Variants in FUT8 observed in about 807,000 individuals in gnomAD.
FUT8 encodes the protein fucosyltransferase 8, also known as alpha-(1,6)-fucosyltransferase.
Under a neutral mutation model 71.3 loss-of-function variants are expected in FUT8, and 29 were observed. The ratio of observed to expected loss-of-function variants is 0.41; its 90% CI spans 0.30 to 0.55. FUT8 has a LOEUF of 0.55. Among genes scored for constraint, FUT8 ranks in the 20% least tolerant of loss-of-function variants. The pLI, the probability that FUT8 is intolerant of heterozygous loss-of-function variation, is 0.34. For synonymous variants in FUT8, 254 were observed against 239.3 expected, an observed-to-expected ratio of 1.06 and a Z score of -0.57; for missense variants, 544 against 702.1, an observed-to-expected ratio of 0.77 and a Z score of 2.55.
chr14:65,530,813 TTCTC>T (rs137867790), intron 2 of FUT8, among the ~76,000 whole-genome samples: 4 of 142,550 alleles, frequency 2.8e-5, no homozygotes, highest in South Asian at 2.3e-4. Context: ...CTCTCGCTCT[TTCTC>T]TCTCTCTCTC....
intron 2 of FUT8, among the ~76,000 whole-genome samples, chr14:65,532,239 A>C (rs1884004647): frequency 1.3e-5 from 2 of 152,144 alleles, no homozygotes; most frequent in South Asian, 4.1e-4. Context: ...ACTCCCACCA[A>C]CAGTGTGTAA....
rs2066161028 is a variant in FUT8 at position 65,472,389 on chromosome 14, C to T, written c.-228+16671C>T. On this transcript the variant is annotated intron_variant, in intron 2 of 10. Transcript: ENST00000673929. This position sits in a 1 kb window ranked among gnomAD's most constrained non-coding sequence, Gnocchi z 4.4. ...CCCCACCATGCCCAACAACATCTCC[C>T]ATTAGGCCCCACCCCCAACATTGAG... is the stretch of plus-strand genomic sequence containing the variant. 6.6e-6 allele frequency among the ~76,000 whole-genome samples: 1 copy of T among 152,088 alleles called. No individual in the cohort carries two copies. Among genetic ancestry groups the T allele is most frequent in the South Asian group, 2.1e-4 (1 of 4,822 alleles).
intron 2 of FUT8, among the ~76,000 whole-genome samples, chr14:65,527,422 T>C (rs959557682): frequency 9.2e-5 from 14 of 152,330 alleles, no homozygotes; most frequent in African/African-American, 3.4e-4. Flanking sequence ...CATCAGGTCA[T>C]TTAAGGACTT....
chr14:65,639,579 A>G (rs1399445205), intron 6 of FUT8, among the ~76,000 whole-genome samples: 1 of 151,956 alleles, frequency 6.6e-6, no homozygotes, highest in Admixed American at 6.6e-5. Flanking sequence ...TGATAGTTAT[A>G]TTTCTGATAC....
At chr14:65,513,977 A>G (rs1882535325) in intron 2 of FUT8, among the ~76,000 whole-genome samples, 1 of 152,260 alleles carries the variant, frequency 6.6e-6, no homozygotes, top group South Asian at 2.1e-4. Flanking sequence ...TCAGGGCACA[A>G]TTTTAGCATT....
chr14:65,578,437 A>G (rs1886906954), intron 3 of FUT8, among the ~76,000 whole-genome samples: 2 of 152,150 alleles, frequency 1.3e-5, no homozygotes, highest in African/African-American at 4.8e-5. Context: ...AAATTGTTAT[A>G]TTGACGTCTT....
At chr14:65,693,061 A>C (rs1348588406) in intron 7 of FUT8, among the ~76,000 whole-genome samples, 1 of 148,646 alleles carries the variant, frequency 6.7e-6, no homozygotes, top group African/African-American at 2.5e-5. Flanking sequence ...CATCCCAGAC[A>C]ATGGGCAGCC....
intron 2 of FUT8, among the ~76,000 whole-genome samples, chr14:65,470,388 A>G (rs950251606): frequency 6.6e-6 from 1 of 152,042 alleles, no homozygotes; most frequent in Non-Finnish European, 1.5e-5. Context: ...CCAAGAGCAC[A>G]TGGAGGCCTG....
chr14:65,612,233 G>T (rs1306287962), intron 3 of FUT8, among the ~76,000 whole-genome samples: 1 of 151,978 alleles, frequency 6.6e-6, no homozygotes, highest in Non-Finnish European at 1.5e-5. Flanking sequence ...ATTTTGTTCT[G>T]GGATGTAGTT....
At chr14:65,422,613 C>T (rs545638232) in intron 1 of FUT8, among the ~76,000 whole-genome samples, 1 of 152,214 alleles carries the variant, frequency 6.6e-6, no homozygotes, top group South Asian at 2.1e-4. Flanking sequence ...GTCCTCCTGC[C>T]TCAGCCTCCC....
chr14:65,388,259 A>G, the FUT8 span, among the ~76,000 whole-genome samples: 1 of 152,198 alleles, frequency 6.6e-6, no homozygotes, highest in Admixed American at 6.5e-5. Flanking sequence ...TACCAATCCT[A>G]CAGTACACAC....
intron 7 of FUT8, among the ~76,000 whole-genome samples, chr14:65,700,363 TTTC>T (rs1363162821): frequency 6.6e-6 from 1 of 150,756 alleles, no homozygotes; most frequent in Non-Finnish European, 1.5e-5. Context: ...CTTAAACTAC[TTTC>T]TTTTCTTTCT....
chr14:65,478,017 C>CT (rs1305941515), intron 2 of FUT8, among the ~76,000 whole-genome samples: 5 of 152,262 alleles, frequency 3.3e-5, no homozygotes, highest in African/African-American at 1.2e-4. Context: ...AAGATTCTAG[C>CT]TTCTAGAACC....
chr14:65,382,530 G>A, the FUT8 span, among the ~76,000 whole-genome samples: 1 of 152,000 alleles, frequency 6.6e-6, no homozygotes, highest in Admixed American at 6.6e-5. Context: ...AGTAAAGTTG[G>A]GATTTCACCA....
chr14:65,357,869 A>G, the FUT8 span, among the ~76,000 whole-genome samples: 11 of 152,230 alleles, frequency 7.2e-5, no homozygotes, highest in African/African-American at 2.7e-4. Flanking sequence ...GAAGGCATAA[A>G]TTTGCAATTT....
rs1002448509 is a variant in FUT8, at chr14:65,611,191, A to G, written c.204-4787A>G. 8.9e-3 allele frequency among the ~76,000 whole-genome samples: 54 copies of G among 6,078 alleles called. No individual in the cohort carries two copies. In the East Asian group the frequency reaches 0.11, roughly 13 times the overall value. The allele number at this position is 6,078 out of a possible 152,430, so 4.0% of individuals were successfully genotyped here. A position where few individuals can be genotyped will look rare whatever the true frequency, so the allele number is the denominator to read the frequency against. On this transcript the variant is annotated intron_variant, in intron 3 of 10. Transcript: ENST00000673929. ...GTTACATTTTAAGTGTCATACACACACACACACGCGCGCGCGCGCGCGCGC... is the reference window on the plus strand; with the variant it reads ...GTTACATTTTAAGTGTCATACACACGCACACACGCGCGCGCGCGCGCGCGC...
At chr14:65,613,511 G>C (rs1889116510) in intron 3 of FUT8, among the ~76,000 whole-genome samples, 1 of 152,144 alleles carries the variant, frequency 6.6e-6, no homozygotes, top group African/African-American at 2.4e-5. Flanking sequence ...CCTAACTACT[G>C]TATTCATTTT....
intron 2 of FUT8, among the ~76,000 whole-genome samples, chr14:65,503,705 A>G (rs1205993600): frequency 1.3e-5 from 2 of 152,044 alleles, no homozygotes; most frequent in Non-Finnish European, 1.5e-5. Flanking sequence ...GAAAGGTTCT[A>G]GGTTCCTTTT....
At chr14:65,734,133 A>G (rs1896108741) in intron 10 of FUT8, among the ~76,000 whole-genome samples, 1 of 152,224 alleles carries the variant, frequency 6.6e-6, no homozygotes, top group Non-Finnish European at 1.5e-5. Flanking sequence ...GAGATTTCAA[A>G]GGAGATTGAA....
Sources: allele counts gnomAD v4.1 joint callset (sites outside exome capture counted in the v4.1 genomes callset), GRCh38; gene constraint gnomAD v4.1.1; non-coding constraint Gnocchi (gnomAD v3.1); transcripts MANE v1.5; gene names NCBI Gene and HGNC (gene_info 2026-07-23, HGNC 2026-07-21).